HHAT: variants seen among roughly 807,000 people sequenced by gnomAD.
HHAT encodes the protein protein-cysteine N-palmitoyltransferase HHAT.
A neutral mutation model predicts 70.8 loss-of-function variants in HHAT; 47 were observed. The ratio of observed to expected loss-of-function variants is 0.66; its 90% CI spans 0.53 to 0.85. The LOEUF is 0.85. Ranked by LOEUF, HHAT falls within the 40% of genes least tolerant of loss-of-function variation. The pLI, the probability that HHAT is intolerant of heterozygous loss-of-function variation, is 0.00. For missense variants in HHAT, 609 were observed against 604.8 expected, an observed-to-expected ratio of 1.01 and a Z score of -0.07; for synonymous variants, 228 against 247.6, an observed-to-expected ratio of 0.92 and a Z score of 0.74.
intron 9 of HHAT, among the ~76,000 whole-genome samples, chr1:210,526,367 G>GTTCTGTTTTGTTTTTTTTTTTTTT (rs2095245205): frequency 7.0e-6 from 1 of 142,336 alleles, no homozygotes; most frequent in African/African-American, 2.6e-5. Context: ...AGTGGGTTCT[G>GTTCTGTTTTGTTTTTTTTTTTTTT]TTTTTTTTTT....
intron 1 of HHAT, among the ~76,000 whole-genome samples, chr1:210,346,355 A>G (rs1478507268): frequency 3.3e-5 from 5 of 152,228 alleles, no homozygotes; most frequent in African/African-American, 1.2e-4. Context: ...ACATTAAATT[A>G]TAAGCCAAGA....
chr1:210,389,889 A>G (rs539038287), intron 4 of HHAT, among the ~76,000 whole-genome samples: 1 of 152,196 alleles, frequency 6.6e-6, no homozygotes, highest in Non-Finnish European at 1.5e-5. Flanking sequence ...TGGGGATTAA[A>G]TTTCAGCACC....
At chr1:210,540,931 C>G (rs1479097878) in intron 9 of HHAT, among the ~76,000 whole-genome samples, 2 of 152,084 alleles carry the variant, frequency 1.3e-5, no homozygotes, top group Non-Finnish European at 2.9e-5. Flanking sequence ...ACCTCCGCCT[C>G]CTGGGTCCAA....
At chr1:210,395,143 T>C (rs2091709750) in intron 4 of HHAT, among the ~76,000 whole-genome samples, 1 of 152,172 alleles carries the variant, frequency 6.6e-6, no homozygotes, top group South Asian at 2.1e-4. Flanking sequence ...TCTTGGCAGA[T>C]GTGCAAAAAG....
chr1:210,524,773 G>T (rs922853236), intron 9 of HHAT, among the ~76,000 whole-genome samples: 1 of 152,118 alleles, frequency 6.6e-6, no homozygotes, highest in African/African-American at 2.4e-5. Flanking sequence ...GAGCCTGCAG[G>T]TCCAGGTCTG....
intron 7 of HHAT, among the ~76,000 whole-genome samples, chr1:210,430,080 T>A (rs1224442511): frequency 6.6e-6 from 1 of 151,934 alleles, no homozygotes; most frequent in East Asian, 1.9e-4. Context: ...GTGAAATATT[T>A]TCCTTCAATA....
At chr1:210,659,791 C>T (rs1677249189) in intron 11 of HHAT, among the ~76,000 whole-genome samples, 1 of 152,154 alleles carries the variant, frequency 6.6e-6, no homozygotes, top group Non-Finnish European at 1.5e-5. Context: ...TGTAATCCAG[C>T]ATATAAACAG....
At chr1:210,625,690 A>G (rs533736363) in intron 11 of HHAT, among the ~76,000 whole-genome samples, 2 of 152,374 alleles carry the variant, frequency 1.3e-5, no homozygotes, top group Admixed American at 6.5e-5. Context: ...GTGAAACTCC[A>G]AAATCTTAGT....
chr1:210,335,641 T>C (rs1340505300), intron 1 of HHAT, among the ~76,000 whole-genome samples: 2 of 152,190 alleles, frequency 1.3e-5, no homozygotes, highest in Admixed American at 1.3e-4. Flanking sequence ...TCTTTTGATT[T>C]ATGACAGAGG....
chr1:210,441,686 G>T, intron 7 of HHAT, among the ~76,000 whole-genome samples: 1 of 152,228 alleles, frequency 6.6e-6, no homozygotes. Flanking sequence ...ATGATTGGTA[G>T]TTGGAAAAAG....
intron 7 of HHAT, among the ~76,000 whole-genome samples, chr1:210,456,920 C>T (rs1024508699): frequency 6.6e-6 from 1 of 152,204 alleles, no homozygotes; most frequent in African/African-American, 2.4e-5. Context: ...TGGGCTGTAG[C>T]ACTTGCTGCT....
chr1:210,418,289 A>G lies in HHAT; in HGVS notation c.820A>G (p.Ile274Val). Residue 274 changes from isoleucine (I) to valine (V), a missense_variant, in exon 7 of 12, where the codon ATC becomes GTC. Coordinates refer to ENST00000261458, the MANE Select transcript of HHAT (RefSeq NM_018194.6). ...LMYMHAIYSS[I>V]PLLETVSCWT... ...GTACATGCATGCCATCTACAGCAGC[A>G]TCCCCCTCCTGGAGACTGTCTCTTG... 6.2e-7 allele frequency: 1 copy of G among 1,609,622 alleles called. No individual in the cohort carries two copies. The highest frequency in any genetic ancestry group is 8.5e-7 in the Non-Finnish European group (1 of 1,177,626).
At chr1:210,465,078 A>G (rs1258239500) in intron 8 of HHAT, among the ~76,000 whole-genome samples, 1 of 152,144 alleles carries the variant, frequency 6.6e-6, no homozygotes, top group Non-Finnish European at 1.5e-5. Flanking sequence ...TACTAAATCT[A>G]AGTTTCATTT....
rs184450977 is a variant in HHAT, at chr1:210,370,153, T to G, written c.159+7234T>G. Among the ~76,000 whole-genome samples, 727 of 146,702 alleles carry G rather than the reference T, an allele frequency of 5.0e-3. 3 individuals carry two copies. Among genetic ancestry groups the G allele is most frequent in the Middle Eastern group, 0.025 (7 of 282 alleles). ...ACCTTCACCTTATTTTCTCCTAGCT[T>G]CTTCAATGACTTTTTTTTTTTTTTT... On this transcript the variant is annotated intron_variant, in intron 3 of 11. Transcript: ENST00000261458.
intron 7 of HHAT, among the ~76,000 whole-genome samples, chr1:210,419,132 T>C (rs2092815581): frequency 6.6e-6 from 1 of 152,168 alleles, no homozygotes; most frequent in Non-Finnish European, 1.5e-5. Flanking sequence ...ACCTCTCGGT[T>C]CCAGCACCCT....
chr1:210,571,456 A>G lies in HHAT; in HGVS notation c.1044-16442A>G, dbSNP rs147850509. On this transcript the variant is annotated intron_variant, in intron 9 of 11. Transcript: ENST00000261458. ...CATGGTGTGGGTGGGAAGAGCTTGG[A>G]ACAGCACATCTTTCATTTGGACCCA... Among the ~76,000 whole-genome samples the G allele has an allele frequency of 9.2e-5, 14 of 152,182 alleles. No homozygotes were observed. In the East Asian group the frequency reaches 2.7e-3, roughly 29 times the overall value.
intron 9 of HHAT, among the ~76,000 whole-genome samples, chr1:210,548,508 A>T (rs1365543828): frequency 1.3e-5 from 2 of 152,156 alleles, no homozygotes; most frequent in East Asian, 3.9e-4. Flanking sequence ...GAACCAGGAG[A>T]CTTAGGGGAG....
chr1:210,437,170 G>A (rs1354078328), intron 7 of HHAT, among the ~76,000 whole-genome samples: 1 of 151,862 alleles, frequency 6.6e-6, no homozygotes, highest in African/African-American at 2.4e-5. Flanking sequence ...AACATCACAT[G>A]ATGATGTATA....
chr1:210,641,497 C>A (rs1391064771), intron 11 of HHAT, among the ~76,000 whole-genome samples: 3 of 152,126 alleles, frequency 2.0e-5, no homozygotes, highest in Non-Finnish European at 4.4e-5. Context: ...AACCTAATAA[C>A]AATATAGATT....
Sources: allele counts gnomAD v4.1 joint callset (sites outside exome capture counted in the v4.1 genomes callset), GRCh38; gene constraint gnomAD v4.1.1; transcripts MANE v1.5; gene names NCBI Gene and HGNC (gene_info 2026-07-23, HGNC 2026-07-21).